The following NAALADL2 variants were observed in gnomAD, a reference collection of about 807,000 sequenced individuals.
NAALADL2 encodes the protein inactive N-acetylated-alpha-linked acidic dipeptidase-like protein 2.
Under a neutral mutation model 87.2 loss-of-function variants are expected in NAALADL2, and 76 were observed. The observed-to-expected ratio is 0.87, with a 90% CI of 0.72 to 1.05. NAALADL2 has a LOEUF of 1.05. Among genes scored for constraint, NAALADL2 ranks in the 50% least tolerant of loss-of-function variants. The pLI is 0.00. For synonymous variants in NAALADL2, 354 were observed against 331.0 expected, an observed-to-expected ratio of 1.07 and a Z score of -0.75; for missense variants, 1,089 against 945.8, an observed-to-expected ratio of 1.15 and a Z score of -1.99.
chr3:175,515,165 G>A (rs1414676063), intron 9 of NAALADL2, among the ~76,000 whole-genome samples: 1 of 152,154 alleles, frequency 6.6e-6, no homozygotes, highest in Admixed American at 6.6e-5. Flanking sequence ...TTCAATTTTT[G>A]TGGATTTGTA....
At chr3:175,094,156 A>T (rs1437927060) in intron 1 of NAALADL2, among the ~76,000 whole-genome samples, 3 of 151,976 alleles carry the variant, frequency 2.0e-5, no homozygotes, top group Non-Finnish European at 4.4e-5. Context: ...AGAGACTCTG[A>T]TTCATTAAAA....
intron 2 of NAALADL2, among the ~76,000 whole-genome samples, chr3:174,582,701 C>G (rs1716305353): frequency 6.6e-6 from 1 of 152,036 alleles, no homozygotes; most frequent in Non-Finnish European, 1.5e-5. Flanking sequence ...TCTGCCTCAG[C>G]CTCCCGAGTA....
At chr3:174,521,592 A>G (rs935710357) in intron 1 of NAALADL2, among the ~76,000 whole-genome samples, 18 of 150,696 alleles carry the variant, frequency 1.2e-4, no homozygotes, top group South Asian at 1.0e-3. Context: ...AAAAAAAAAA[A>G]AAAAGAAAAG....
intron 11 of NAALADL2, among the ~76,000 whole-genome samples, chr3:175,723,690 G>T (rs1171709094): frequency 6.6e-6 from 1 of 151,882 alleles, no homozygotes; most frequent in Non-Finnish European, 1.5e-5. Context: ...TCCTTTACAT[G>T]GAGCTTGTTG....
chr3:175,471,432 G>A (rs536303120), intron 8 of NAALADL2, among the ~76,000 whole-genome samples: 2 of 144,734 alleles, frequency 1.4e-5, no homozygotes, highest in South Asian at 2.2e-4. Context: ...CTGAGATCAC[G>A]CCACTGCACT....
chr3:175,081,787 T>C (rs770309114), intron 1 of NAALADL2, among the ~76,000 whole-genome samples: 2 of 152,202 alleles, frequency 1.3e-5, no homozygotes, highest in African/African-American at 2.4e-5. Flanking sequence ...ATATAGTTAG[T>C]TTTTTCTTAA....
Position 175,420,453 on chromosome 3 carries a change from C to T in NAALADL2, c.1091-26776C>T, listed in dbSNP as rs150122889. Among the ~76,000 whole-genome samples, 49 of 152,068 alleles carry T rather than the reference C, an allele frequency of 3.2e-4. No individual in the cohort carries two copies. In the East Asian group the frequency reaches 9.3e-3, roughly 29 times the overall value. ...TCAGAGTTGAGCATACTCGTTAAAACAAGGTAAGGTGATAGACCTACAGTT... is the reference window on the plus strand; with the variant it reads ...TCAGAGTTGAGCATACTCGTTAAAATAAGGTAAGGTGATAGACCTACAGTT... On this transcript the variant is annotated intron_variant, in intron 5 of 13. Transcript: ENST00000454872.
intron 1 of NAALADL2, among the ~76,000 whole-genome samples, chr3:174,864,587 G>A (rs994242413): frequency 1.8e-4 from 27 of 151,616 alleles, no homozygotes; most frequent in African/African-American, 6.6e-4. Context: ...TGACTTGATT[G>A]TTTATACGTT....
chr3:174,618,438 T>C lies in NAALADL2; in HGVS notation c.-115+67801T>C, dbSNP rs1310327303. Among the ~76,000 whole-genome samples the C allele has an allele frequency of 2.6e-5, 4 of 151,912 alleles. No homozygotes were observed. In the South Asian group the frequency reaches 6.2e-4, roughly 24 times the overall value. On this transcript the variant is annotated intron_variant, in intron 2 of 3. Transcript: ENST00000434257. ...ATTTTTTTTCATTCACTCTGCTTAA[T>C]TGAGTATTCTAAACATAGGTAAGAT...
intron 3 of NAALADL2, among the ~76,000 whole-genome samples, chr3:174,762,400 A>G (rs1445758324): frequency 5.4e-5 from 8 of 148,256 alleles, no homozygotes; most frequent in South Asian, 2.2e-4. Flanking sequence ...TGGTCCTCCC[A>G]CCTCGGCCTC....
chr3:175,787,061 C>G (rs180754635), intron 13 of NAALADL2, among the ~76,000 whole-genome samples: 2,144 of 152,044 alleles, frequency 0.014, 60 homozygotes, highest in African/African-American at 0.049. Flanking sequence ...AGGAGGCAGT[C>G]TGCCTGTTCT....
At chr3:175,113,850 T>C (rs558030849) in intron 2 of NAALADL2, among the ~76,000 whole-genome samples, 1 of 151,688 alleles carries the variant, frequency 6.6e-6, no homozygotes, top group Admixed American at 6.6e-5. Context: ...ACCCAAAGTT[T>C]TCTCTGGAGA....
intron 3 of NAALADL2, among the ~76,000 whole-genome samples, chr3:175,239,518 C>G (rs1234669669): frequency 2.0e-5 from 3 of 152,148 alleles, no homozygotes; most frequent in African/African-American, 7.2e-5. Flanking sequence ...CAGATTGGTT[C>G]TGCCAAGTTG....
At chr3:174,745,069 C>A in intron 3 of NAALADL2, among the ~76,000 whole-genome samples, 1 of 151,790 alleles carries the variant, frequency 6.6e-6, no homozygotes, top group East Asian at 1.9e-4. Context: ...AATCCAAAAG[C>A]TAGCAGAAGA....
intron 9 of NAALADL2, among the ~76,000 whole-genome samples, chr3:175,547,189 A>C (rs2149482400): frequency 6.6e-6 from 1 of 152,262 alleles, no homozygotes; most frequent in East Asian, 1.9e-4. Context: ...TAGTAACCAA[A>C]CAGCATGGTA....
chr3:174,981,799 T>C (rs1436602830), intron 1 of NAALADL2, among the ~76,000 whole-genome samples: 1 of 152,162 alleles, frequency 6.6e-6, no homozygotes, highest in African/African-American at 2.4e-5. Context: ...TACCTTTTGT[T>C]TCTTTCCATA....
intron 3 of NAALADL2, among the ~76,000 whole-genome samples, chr3:174,821,601 C>A (rs1278301529): frequency 6.6e-6 from 1 of 152,130 alleles, no homozygotes; most frequent in East Asian, 1.9e-4. Context: ...TCAAGTCTAG[C>A]TAGGCCTGGA....
intron 1 of NAALADL2, among the ~76,000 whole-genome samples, chr3:175,044,823 G>T (rs1489790049): frequency 6.6e-6 from 1 of 151,724 alleles, no homozygotes; most frequent in Non-Finnish European, 1.5e-5. Flanking sequence ...TTACTCAGTT[G>T]TTACTGCTTC....
chr3:174,996,390 G>C (rs758955689), intron 1 of NAALADL2, among the ~76,000 whole-genome samples: 1 of 151,896 alleles, frequency 6.6e-6, no homozygotes, highest in East Asian at 2.0e-4. Flanking sequence ...TCAGCTACTC[G>C]GGAGGCTGAG....
Sources: gnomAD v4.1 joint callset for allele counts (sites outside exome capture counted in the v4.1 genomes callset) on GRCh38, gnomAD v4.1.1 for gene constraint, MANE v1.5 for transcripts, NCBI Gene and HGNC (gene_info 2026-07-23, HGNC 2026-07-21) for gene names.